ADARB1: variants seen among roughly 807,000 people sequenced by gnomAD.
ADARB1 encodes double-stranded RNA-specific editase 1.
Under a neutral mutation model 52.4 loss-of-function variants are expected in ADARB1, and 10 were observed. The observed-to-expected ratio is 0.19, with a 90% CI of 0.12 to 0.32. ADARB1 has a LOEUF of 0.32. ADARB1 is among the 10% of genes least tolerant of loss of function. ADARB1 has a pLI of 1.00. For missense variants in ADARB1, 643 were observed against 922.3 expected (o/e 0.70, Z 3.92); for synonymous variants, 349 against 371.1 (o/e 0.94, Z 0.68).
intron 3 of ADARB1, 189 bp downstream of exon 3, chr21:45,171,873 GT>G (rs1318834945): frequency 6.9e-6 from 4 of 583,168 alleles, no homozygotes; most frequent in Non-Finnish European, 1.2e-5. Flanking sequence ...TGCTGCAGAC[GT>G]TTTTCCTTCC....
chr21:45,168,454 G>A (rs1407722408), intron 2 of ADARB1, among the ~76,000 whole-genome samples: 1 of 152,092 alleles, frequency 6.6e-6, no homozygotes, highest in Non-Finnish European at 1.5e-5. Context: ...TTTATGTTTT[G>A]CATGTAAGCC....
In ADARB1 at chr21:45,175,716, T is replaced by C; in HGVS notation, c.29-14T>C. The C allele has an allele frequency of 6.2e-7, 1 of 1,612,494 alleles. No homozygotes were observed. Among genetic ancestry groups the C allele is most frequent in the Non-Finnish European group, 8.5e-7 (1 of 1,179,484 alleles). ...AACGAAGGCATTGTAAGTTACTCTTTCTGGGCACCACAGGTTCCAGCAGCA... is the reference window on the plus strand; with the variant it reads ...AACGAAGGCATTGTAAGTTACTCTTCCTGGGCACCACAGGTTCCAGCAGCA... On this transcript the variant is annotated splice_polypyrimidine_tract_variant and intron_variant, in intron 3 of 10. Coordinates refer to ENST00000348831, the MANE Select transcript of ADARB1 (RefSeq NM_001112.4).
At chr21:45,078,078 T>G (rs1189944386) in intron 1 of ADARB1, among the ~76,000 whole-genome samples, 2 of 152,184 alleles carry the variant, frequency 1.3e-5, no homozygotes, top group Non-Finnish European at 2.9e-5. Context: ...GTAGTTTGAT[T>G]AGTACTGCTT....
At position 45,224,456 on chromosome 21, in the gene ADARB1, A is replaced by C. The variant is rs886678132; in HGVS notation, c.*2259A>C. On this transcript the variant is annotated 3_prime_UTR_variant, in exon 11 of 11. Transcript: ENST00000348831. ...CCCTATCCCAAGCCGTCCAGGCAGG[A>C]GGAAGGCAGCCAAGGCAACTGGGTT... 1.9e-4 allele frequency: 158 copies of C among 834,910 alleles called. No homozygotes were observed. The highest frequency in any genetic ancestry group is 9.1e-4 in the Admixed American group (1 of 1,094). 51.7% of individuals were successfully genotyped at this position (834,910 alleles called of 1,614,324 possible).
rs140716415 is a variant in ADARB1, at chr21:45,185,035, C to T, written c.1509C>T (p.Asp503=). The T allele has an allele frequency of 9.1e-5, 147 of 1,614,182 alleles. No individual in the cohort carries two copies. Among genetic ancestry groups the T allele is most frequent in the East Asian group, 6.0e-4 (27 of 44,874 alleles). Residue 503 remains aspartate (D), a synonymous_variant, in exon 8 of 11, where the codon GAC becomes GAT. Transcript: ENST00000348831. The part of the protein sequence containing the change: ...VRSNASIQTW[D]GVLQGERLLT... ...CCAATGCGAGCATCCAAACGTGGGA[C>T]GGGGTGCTGCAAGGGGAGCGGCTGC...
chr21:45,143,852 C>G (rs1444171027), intron 2 of ADARB1, among the ~76,000 whole-genome samples: 2 of 152,252 alleles, frequency 1.3e-5, no homozygotes, highest in African/African-American at 4.8e-5. Context: ...ACTGCCCTCC[C>G]ACATCCAGCC....
intron 4 of ADARB1, among the ~76,000 whole-genome samples, chr21:45,178,343 C>T (rs9978240): frequency 0.1 from 15,529 of 152,276 alleles, 884 homozygotes; most frequent in East Asian, 0.15. Context: ...GGCAGGGCTG[C>T]CTCAGCCCCC....
chr21:45,077,347 C>T (rs2085978951), intron 1 of ADARB1, among the ~76,000 whole-genome samples: 1 of 152,164 alleles, frequency 6.6e-6, no homozygotes, highest in Non-Finnish European at 1.5e-5. Flanking sequence ...AACCAAAAAG[C>T]TCAGAGAGGT....
At chr21:45,197,864 A>T (rs192276888) in intron 8 of ADARB1, among the ~76,000 whole-genome samples, 1 of 152,364 alleles carries the variant, frequency 6.6e-6, no homozygotes, top group African/African-American at 2.4e-5. Context: ...GGGAGAATGC[A>T]GACTAAGCTG....
intron 2 of ADARB1, among the ~76,000 whole-genome samples, chr21:45,143,979 T>A (rs2145910490): frequency 6.6e-6 from 1 of 152,222 alleles, no homozygotes; most frequent in East Asian, 1.9e-4. Flanking sequence ...GAACATAAGC[T>A]CCAGGAAAGC....
intron 2 of ADARB1, among the ~76,000 whole-genome samples, chr21:45,170,687 G>C (rs1284211722): frequency 6.6e-6 from 1 of 151,920 alleles, no homozygotes; most frequent in African/African-American, 2.4e-5. Flanking sequence ...TTGCCTTTTA[G>C]TGATTTATAA....
At chr21:45,134,212 C>T (rs1385797081) in intron 2 of ADARB1, among the ~76,000 whole-genome samples, 4 of 98,536 alleles carry the variant, frequency 4.1e-5, no homozygotes, top group Non-Finnish European at 6.1e-5. Context: ...TGTGTGTGCC[C>T]GACAGTGGTG....
In ADARB1 at chr21:45,128,695, C is replaced by T. The variant is rs776273628; in HGVS notation, c.-48+122C>T. 2 of 152,238 alleles carry T rather than the reference C, an allele frequency of 1.3e-5. No homozygotes were observed. Among genetic ancestry groups the T allele is most frequent in the East Asian group, 1.9e-4 (1 of 5,202 alleles). 9.4% of individuals were successfully genotyped at this position (152,238 alleles called of 1,614,324 possible). A position where few individuals can be genotyped will look rare whatever the true frequency, so the allele number is the denominator to read the frequency against. ...GAAAGATGCTTTATTGAATACTTCC[C>T]GGCACAGATGATCTGTTACTGTTGG... On this transcript the variant is annotated intron_variant, in intron 2 of 10. Transcript: ENST00000348831. This position sits in a 1 kb window ranked among gnomAD's most constrained non-coding sequence, Gnocchi z 4.6.
At chr21:45,125,133 A>G (rs2088494667) in intron 1 of ADARB1, among the ~76,000 whole-genome samples, 1 of 152,134 alleles carries the variant, frequency 6.6e-6, no homozygotes, top group Non-Finnish European at 1.5e-5. Flanking sequence ...TCTTCATTTA[A>G]CCTAAGCTTA....
In ADARB1 at chr21:45,208,663, A is replaced by G. The variant is rs374940833; in HGVS notation, c.1747+3927A>G. Among the ~76,000 whole-genome samples, 850 of 151,290 alleles carry G rather than the reference A, an allele frequency of 5.6e-3. 6 individuals are homozygous for G. The highest frequency in any genetic ancestry group is 0.019 in the African/African-American group (790 of 41,214). On this transcript the variant is annotated intron_variant, in intron 9 of 10. Transcript: ENST00000348831. This position sits in a 1 kb window ranked among gnomAD's most constrained non-coding sequence, Gnocchi z 5.6. ...GTGAGTGCATGTGAGTGTGTGCATG[A>G]GTGCGTGTGTGTATGAGTGTGTGTG...
intron 7 of ADARB1, 71 bp downstream of exon 7, chr21:45,183,581 A>G (rs2091999627): frequency 1.3e-6 from 2 of 1,524,922 alleles, no homozygotes; most frequent in Admixed American, 2.0e-5. Context: ...AACCTGTGTT[A>G]ATATCCCTTT....
At chr21:45,110,608 A>G (rs569579566) in intron 1 of ADARB1, among the ~76,000 whole-genome samples, 75 of 152,356 alleles carry the variant, frequency 4.9e-4, no homozygotes, top group Admixed American at 3.5e-3. Context: ...AACCTAATCT[A>G]TTTAAGCATG....
rs747692936 is a variant in ADARB1, at chr21:45,176,679, T to A, written c.963+15T>A. 2 of 1,581,714 alleles carry A rather than the reference T, an allele frequency of 1.3e-6. No individual in the cohort carries two copies. Among genetic ancestry groups the A allele is most frequent in the Non-Finnish European group, 1.7e-6 (2 of 1,164,578 alleles). ...ATTTACCGCAGGTGAGGAACTATGC[T>A]GCTGCTTTAAAACACGGGGTCATTG... On this transcript the variant is annotated intron_variant, in intron 4 of 10. Transcript: ENST00000348831. This position sits in a 1 kb window ranked among gnomAD's most constrained non-coding sequence, Gnocchi z 5.8.
rs1338337457 is a variant in ADARB1, at chr21:45,223,190, T to G, written c.*993T>G. On this transcript the variant is annotated 3_prime_UTR_variant, in exon 11 of 11. Transcript: ENST00000348831. ...CTTCACAGGATGGAAGTAGAATGAT[T>G]TCAGTAGATACTCATTCTTGGAAAA... 1.0e-6 allele frequency: 1 copy of G among 985,440 alleles called. No individual in the cohort carries two copies. 61.0% of individuals were successfully genotyped at this position (985,440 alleles called of 1,614,324 possible). A position where few individuals can be genotyped will look rare whatever the true frequency, so the allele number is the denominator to read the frequency against.
Sources: gnomAD v4.1 joint callset for allele counts (sites outside exome capture counted in the v4.1 genomes callset) on GRCh38, gnomAD v4.1.1 for gene constraint, Gnocchi (gnomAD v3.1) non-coding constraint, MANE v1.5 for transcripts, NCBI Gene and HGNC (gene_info 2026-07-23, HGNC 2026-07-21) for gene names.